KCNMA1: variants seen among roughly 807,000 people sequenced by gnomAD.
The protein encoded by KCNMA1 is Calcium-activated potassium channel subunit alpha-1.
KCNMA1 carries 29 observed loss-of-function variants against 140.0 expected under a neutral mutation model. The ratio of observed to expected loss-of-function variants is 0.21; its 90% confidence interval spans 0.15 to 0.28. The LOEUF (loss-of-function observed/expected upper bound fraction) is 0.28, where lower values mean the gene tolerates loss of function less well. Among genes scored for constraint, KCNMA1 ranks in the 10% least tolerant of loss-of-function variants. The probability of loss-of-function intolerance (pLI) is 1.00; values close to 1 mark genes in which losing one functional copy is unlikely to be tolerated. For missense variants in KCNMA1, 880 were observed against 1,602.2 expected (o/e 0.55, Z 7.70); for synonymous variants, 612 against 611.9 (o/e 1.00, Z 0.00).
chr10:77,411,811 T>C (rs990627775), intron 1 of KCNMA1, among the ~76,000 whole-genome samples: 1 of 152,120 alleles, frequency 6.6e-6, no homozygotes, highest in African/African-American at 2.4e-5. Flanking sequence ...CCCGGAACCA[T>C]AAATTCACCC....
chr10:76,884,982 G>A lies in KCNMA1; in HGVS notation c.*2284C>T, dbSNP rs1469363464. On this transcript the variant is annotated 3_prime_UTR_variant, in exon 28 of 28. Coordinates refer to ENST00000286628, the MANE Select transcript of KCNMA1 (RefSeq NM_001161352.2). The stretch of plus-strand genomic sequence containing the variant: ...GCTAGGTCATGCAGAACCATTAATT[G>A]TCATACCTTGGCCCATTCTATTCAT... 1 of 1,547,940 alleles carries A rather than the reference G, an allele frequency of 6.5e-7. No individual in the cohort carries two copies. The highest frequency in any genetic ancestry group is 1.2e-5 in the South Asian group (1 of 83,532).
intron 1 of KCNMA1, among the ~76,000 whole-genome samples, chr10:77,432,734 C>G (rs1294763775): frequency 6.6e-6 from 1 of 152,210 alleles, no homozygotes; most frequent in Non-Finnish European, 1.5e-5. Flanking sequence ...GGCTGGGACA[C>G]TCTGGTCCCA....
At chr10:77,120,862 G>A in intron 6 of KCNMA1, 111 bp downstream of exon 6, 1 of 718,314 alleles carries the variant, frequency 1.4e-6, no homozygotes. Context: ...CACTCTTTCT[G>A]TGAATAATAT....
At chr10:76,914,257 A>G (rs1447574513) in intron 24 of KCNMA1, 1 of 736,530 alleles carries the variant, frequency 1.4e-6, no homozygotes, top group Non-Finnish European at 2.3e-6. Flanking sequence ...GACCACAGGT[A>G]GTTTGCATTT....
intron 2 of KCNMA1, among the ~76,000 whole-genome samples, chr10:77,390,266 C>T (rs1566510433): frequency 6.6e-6 from 1 of 152,208 alleles, no homozygotes. Flanking sequence ...CAGGTTTCTG[C>T]TGATTGCAGC....
At chr10:77,171,247 A>G (rs2098702558) in intron 5 of KCNMA1, among the ~76,000 whole-genome samples, 2 of 152,180 alleles carry the variant, frequency 1.3e-5, no homozygotes, top group Admixed American at 6.5e-5. Flanking sequence ...TAATTTAACC[A>G]GACCTCTAGG....
intron 9 of KCNMA1, among the ~76,000 whole-genome samples, chr10:77,106,905 G>A (rs2097208649): frequency 6.6e-6 from 1 of 152,208 alleles, no homozygotes; most frequent in Non-Finnish European, 1.5e-5. Flanking sequence ...CTCCATTAGA[G>A]GGAAGATGGA....
chr10:77,128,142 C>T (rs113409756), intron 5 of KCNMA1, among the ~76,000 whole-genome samples: 7 of 151,892 alleles, frequency 4.6e-5, no homozygotes, highest in African/African-American at 2.4e-5. Context: ...TTTAGAGTGG[C>T]CTTTGCCAGT....
intron 1 of KCNMA1, among the ~76,000 whole-genome samples, chr10:77,567,382 C>T (rs1013455757): frequency 1.3e-5 from 2 of 152,230 alleles, no homozygotes; most frequent in Non-Finnish European, 2.9e-5. Context: ...TGGCTGGCAG[C>T]CTACCTTTTA....
chr10:77,382,437 G>A (rs1251480831), intron 2 of KCNMA1, among the ~76,000 whole-genome samples: 2 of 152,212 alleles, frequency 1.3e-5, no homozygotes, highest in Non-Finnish European at 2.9e-5. Flanking sequence ...AATTGGAGGA[G>A]AAGAGCCCCT....
intron 1 of KCNMA1, among the ~76,000 whole-genome samples, chr10:77,462,108 A>C (rs1017765591): frequency 6.6e-6 from 1 of 152,034 alleles, no homozygotes; most frequent in Non-Finnish European, 1.5e-5. Flanking sequence ...ACACAGAAAC[A>C]TGCACACACT....
At chr10:77,301,929 C>A (rs754042957) in intron 2 of KCNMA1, among the ~76,000 whole-genome samples, 1 of 151,388 alleles carries the variant, frequency 6.6e-6, no homozygotes, top group Non-Finnish European at 1.5e-5. Flanking sequence ...AAAACAAACC[C>A]AACTAAAGCC....
At chr10:77,148,126 A>G (rs1278120279) in intron 5 of KCNMA1, among the ~76,000 whole-genome samples, 1 of 152,136 alleles carries the variant, frequency 6.6e-6, no homozygotes, top group African/African-American at 2.4e-5. Context: ...TGCACCTGCC[A>G]TGAGTTTACT....
intron 1 of KCNMA1, among the ~76,000 whole-genome samples, chr10:77,450,805 C>G (rs2097636922): frequency 6.6e-6 from 1 of 152,162 alleles, no homozygotes; most frequent in Non-Finnish European, 1.5e-5. Flanking sequence ...GGCTCTGTGT[C>G]CCCACTCAAA....
At chr10:77,173,335 C>T (rs747910368) in intron 5 of KCNMA1, among the ~76,000 whole-genome samples, 12 of 152,086 alleles carry the variant, frequency 7.9e-5, no homozygotes, top group Admixed American at 2.6e-4. Flanking sequence ...TGCCTGAGAT[C>T]AAAGCTGAGC....
chr10:77,534,985 C>T (rs2058549269), intron 1 of KCNMA1, among the ~76,000 whole-genome samples: 1 of 152,210 alleles, frequency 6.6e-6, no homozygotes, highest in Non-Finnish European at 1.5e-5. Flanking sequence ...ACCTATAACC[C>T]ATAATCTACA....
chr10:77,385,144 C>G (rs764403670), intron 2 of KCNMA1, among the ~76,000 whole-genome samples: 14 of 152,136 alleles, frequency 9.2e-5, no homozygotes, highest in Non-Finnish European at 1.2e-4. Flanking sequence ...CAACAGAGAG[C>G]CTGGTCTCTC....
chr10:76,989,587 A>G (rs1234691415), intron 19 of KCNMA1, among the ~76,000 whole-genome samples: 2 of 152,192 alleles, frequency 1.3e-5, no homozygotes, highest in Non-Finnish European at 2.9e-5. Flanking sequence ...GTCAAGATGG[A>G]AATCAATGTT....
chr10:77,495,947 AAGCTCACTGGCACCAAGGCAGGCTG>A (rs2041772017), intron 1 of KCNMA1, among the ~76,000 whole-genome samples: 4 of 152,256 alleles, frequency 2.6e-5, no homozygotes, highest in East Asian at 3.9e-4. Flanking sequence ...TCCTGTGTGG[AAGCTCACTGGCACCAAGGCAGGCTG>A]AGCCCCTCTG....
Sources: allele counts gnomAD v4.1 joint callset (sites outside exome capture counted in the v4.1 genomes callset), GRCh38; gene constraint gnomAD v4.1.1; transcripts MANE v1.5; gene names NCBI Gene and HGNC (gene_info 2026-07-23, HGNC 2026-07-21).